RXRA: variants seen among roughly 807,000 people sequenced by gnomAD.
RXRA encodes the protein retinoic acid receptor RXR-alpha.
RXRA carries 5 observed loss-of-function variants against 44.5 expected under a neutral mutation model. The observed-to-expected ratio is 0.11, with a 90% CI of 0.06 to 0.24. The LOEUF (loss-of-function observed/expected upper bound fraction) is 0.24. Among genes scored for constraint, RXRA ranks in the 10% least tolerant of loss-of-function variants. RXRA has a pLI of 1.00. For missense variants in RXRA, 412 were observed against 646.5 expected (o/e 0.64, Z 3.93); for synonymous variants, 291 against 271.4 (o/e 1.07, Z -0.71).
intron 1 of RXRA, among the ~76,000 whole-genome samples, chr9:134,370,597 T>C (rs189575473): frequency 1.2e-4 from 19 of 152,330 alleles, no homozygotes; most frequent in Admixed American, 1.2e-3. Context: ...GCCAGGGCCT[T>C]TCAGGGTTTC....
At chr9:134,345,064 G>C (rs1404460015) in intron 1 of RXRA, among the ~76,000 whole-genome samples, 3 of 152,214 alleles carry the variant, frequency 2.0e-5, no homozygotes, top group African/African-American at 7.2e-5. Context: ...CTGCAGTGTG[G>C]ATGGGTGGCT....
At chr9:134,337,272 A>G (rs1830021735) in intron 1 of RXRA, among the ~76,000 whole-genome samples, 2 of 152,082 alleles carry the variant, frequency 1.3e-5, no homozygotes, top group Admixed American at 1.3e-4. Context: ...GCCACGAGGG[A>G]AGTAAGCGCC....
chr9:134,336,402 T>C (rs1378435051), intron 1 of RXRA, among the ~76,000 whole-genome samples: 1 of 152,196 alleles, frequency 6.6e-6, no homozygotes, highest in Non-Finnish European at 1.5e-5. Flanking sequence ...AATGGCATGC[T>C]CACAGCCCGG....
intron 1 of RXRA, among the ~76,000 whole-genome samples, chr9:134,389,835 G>C (rs1157835220): frequency 6.6e-6 from 1 of 152,162 alleles, no homozygotes; most frequent in Non-Finnish European, 1.5e-5. Flanking sequence ...AGGCCCCTGG[G>C]GGCTGCCGGC....
intron 1 of RXRA, among the ~76,000 whole-genome samples, chr9:134,371,690 C>T (rs1049163934): frequency 6.6e-6 from 1 of 152,162 alleles, no homozygotes; most frequent in African/African-American, 2.4e-5. Context: ...GTATGGAGGA[C>T]GGGCCTGGGG....
At chr9:134,338,477 G>C (rs1387549072) in intron 1 of RXRA, among the ~76,000 whole-genome samples, 3 of 152,254 alleles carry the variant, frequency 2.0e-5, no homozygotes, top group Non-Finnish European at 4.4e-5. Context: ...CCCAGGCCAT[G>C]GGGTCACAGG....
At chr9:134,346,709 C>T (rs1830157254) in intron 1 of RXRA, among the ~76,000 whole-genome samples, 1 of 152,214 alleles carries the variant, frequency 6.6e-6, no homozygotes. Flanking sequence ...TTGGGGATGT[C>T]ATGTACCTTC....
chr9:134,380,577 C>T (rs1830628748), intron 1 of RXRA, among the ~76,000 whole-genome samples: 1 of 151,936 alleles, frequency 6.6e-6, no homozygotes, highest in East Asian at 1.9e-4. Context: ...AGGGACTGGA[C>T]TTGGGAAGGG....
At chr9:134,432,215 G>GA (rs11381416) in intron 8 of RXRA, among the ~76,000 whole-genome samples, 8,442 of 152,272 alleles carry the variant, frequency 0.055, 326 homozygotes, top group Middle Eastern at 0.16. Flanking sequence ...GGCACAGGGG[G>GA]ACCCAGCAAG....
At chr9:134,383,163 A>G (rs968314434) in intron 1 of RXRA, among the ~76,000 whole-genome samples, 1 of 152,182 alleles carries the variant, frequency 6.6e-6, no homozygotes, top group African/African-American at 2.4e-5. Flanking sequence ...CAGGGGGGCC[A>G]TGAGGGGCCG....
Position 134,433,420 on chromosome 9 carries a change from A to C in RXRA, c.1136-682A>C, listed in dbSNP as rs1056215717. On this transcript the variant is annotated intron_variant, in intron 8 of 9. Transcript: ENST00000481739. The surrounding 1 kb of genome is among the most constrained non-coding windows in gnomAD (Gnocchi z 4.2). ...AGGGCACAGGCATGCAGGGAGGGCG[A>C]GGAGACTGGCTGGAGCGGAGGCAGC... Among the ~76,000 whole-genome samples the C allele has an allele frequency of 6.6e-6, 1 of 151,628 alleles. No homozygotes were observed.
At chr9:134,421,888 C>T (rs554965061) in intron 6 of RXRA, 83 bp downstream of exon 6, 93 of 1,557,182 alleles carry the variant, frequency 6.0e-5, no homozygotes, top group African/African-American at 3.0e-4. Flanking sequence ...CGGGATACTC[C>T]GCACTCCCGG....
intron 8 of RXRA, among the ~76,000 whole-genome samples, chr9:134,432,569 GCCT>G (rs1327698682): frequency 3.3e-5 from 5 of 152,390 alleles, no homozygotes; most frequent in Admixed American, 2.0e-4. Context: ...GGCTTGAAAA[GCCT>G]CCTAGGTGCT....
intron 1 of RXRA, among the ~76,000 whole-genome samples, chr9:134,393,293 G>T (rs961436833): frequency 2.0e-5 from 3 of 152,250 alleles, no homozygotes; most frequent in East Asian, 3.9e-4. Flanking sequence ...AGGACCAGGG[G>T]TCTGTCAAGA....
At chr9:134,335,901 G>T (rs1392718939) in intron 1 of RXRA, among the ~76,000 whole-genome samples, 1 of 152,176 alleles carries the variant, frequency 6.6e-6, no homozygotes, top group Non-Finnish European at 1.5e-5. Context: ...GCCTCTCCCT[G>T]TGGGCAGCTT....
At chr9:134,364,119 A>G (rs1830386248) in intron 1 of RXRA, among the ~76,000 whole-genome samples, 1 of 151,984 alleles carries the variant, frequency 6.6e-6, no homozygotes, top group Non-Finnish European at 1.5e-5. Context: ...ACTCCTCCAC[A>G]ACCGTGATGT....
Position 134,387,212 on chromosome 9 carries a change from C to T in RXRA, c.29-14420C>T, listed in dbSNP as rs531200577. 9.8e-5 allele frequency among the ~76,000 whole-genome samples: 15 copies of T among 152,374 alleles called. No homozygotes were observed. The East Asian group carries it at 1.7e-3, about 18-fold the overall frequency. ...CGGCTCCCGGCCGCTCCGCCCTGCC[C>T]GGCCCTGGCTCATGTCCCGTTTCTT... On this transcript the variant is annotated intron_variant, in intron 1 of 9. Transcript: ENST00000481739.
rs73665823 is a variant in RXRA, at chr9:134,435,463, C to G, written c.1242-1004C>G. On this transcript the variant is annotated intron_variant, in intron 9 of 9. Transcript: ENST00000481739. ...GCCAGGCCCTGAGGACCAACCCGTG[C>G]TCCCTCCCTCCCCGGCCAGCCTTCT... 8.9e-3 allele frequency among the ~76,000 whole-genome samples: 1,347 copies of G among 150,990 alleles called. 18 individuals are homozygous for G. The highest frequency in any genetic ancestry group is 0.031 in the African/African-American group (1,269 of 41,108).
rs1830197470 is a variant in RXRA at position 134,349,641 on chromosome 9, A to T, written c.28+22982A>T. The stretch of plus-strand genomic sequence containing the variant: ...GGGTGACATCAGGAGACCCCGCATC[A>T]GGCAAGGTTACCTGTGTGCCTGCTG... On this transcript the variant is annotated intron_variant, in intron 1 of 9. Transcript: ENST00000481739. The surrounding 1 kb of genome is among the most constrained non-coding windows in gnomAD (Gnocchi z 4.3). Among the ~76,000 whole-genome samples the T allele has an allele frequency of 1.3e-5, 2 of 152,204 alleles. No individual in the cohort carries two copies. Among genetic ancestry groups the T allele is most frequent in the Non-Finnish European group, 2.9e-5 (2 of 68,028 alleles).
Sources: gnomAD v4.1 joint callset for allele counts (sites outside exome capture counted in the v4.1 genomes callset) on GRCh38, gnomAD v4.1.1 for gene constraint, Gnocchi (gnomAD v3.1) non-coding constraint, MANE v1.5 for transcripts, NCBI Gene and HGNC (gene_info 2026-07-23, HGNC 2026-07-21) for gene names.